ZFPM2: variants seen among roughly 807,000 people sequenced by gnomAD.
ZFPM2 encodes zinc finger protein ZFPM2.
A neutral mutation model predicts 98.6 loss-of-function variants in ZFPM2; 20 were observed. The observed-to-expected ratio is 0.20, with a 90% confidence interval of 0.14 to 0.29. ZFPM2 has a LOEUF of 0.29. Ranked by LOEUF, ZFPM2 falls within the 10% of genes least tolerant of loss-of-function variation. The probability of loss-of-function intolerance (pLI) is 1.00; values close to 1 mark genes in which losing one functional copy is unlikely to be tolerated. For synonymous variants in ZFPM2, 518 were observed against 502.7 expected (o/e 1.03, Z -0.41); for missense variants, 1,310 against 1,388.6 (o/e 0.94, Z 0.90).
intron 5 of ZFPM2, among the ~76,000 whole-genome samples, chr8:105,739,859 A>G (rs1445003071): frequency 2.0e-5 from 3 of 152,060 alleles, no homozygotes; most frequent in Non-Finnish European, 4.4e-5. Flanking sequence ...AGCAATGCCC[A>G]TACAAATAAT....
intron 1 of ZFPM2, among the ~76,000 whole-genome samples, chr8:105,382,470 T>C (rs1810907520): frequency 6.6e-6 from 1 of 152,228 alleles, no homozygotes; most frequent in South Asian, 2.1e-4. Context: ...TATTATTTTC[T>C]TATTCCATGT....
intron 2 of ZFPM2, among the ~76,000 whole-genome samples, chr8:105,428,452 C>A (rs2130128088): frequency 6.6e-6 from 1 of 152,268 alleles, no homozygotes; most frequent in African/African-American, 2.4e-5. Flanking sequence ...TCTCATTATA[C>A]TAACTGAAAT....
chr8:105,668,887 T>C (rs1404160707), intron 5 of ZFPM2, among the ~76,000 whole-genome samples: 5 of 152,072 alleles, frequency 3.3e-5, no homozygotes, highest in African/African-American at 1.2e-4. Context: ...CCTAGCAGAG[T>C]TTAGAAGGTT....
intron 3 of ZFPM2, among the ~76,000 whole-genome samples, chr8:105,497,110 C>T (rs1469415435): frequency 6.6e-6 from 1 of 151,906 alleles, no homozygotes; most frequent in African/African-American, 2.4e-5. Context: ...CTCAGCCTCC[C>T]TAGTAGCTGG....
chr8:105,696,507 T>A lies in ZFPM2; in HGVS notation c.532+62150T>A, dbSNP rs531708858. Among the ~76,000 whole-genome samples the A allele has an allele frequency of 8.9e-4, 136 of 152,314 alleles. 1 individual carries two copies. Among genetic ancestry groups the A allele is most frequent in the African/African-American group, 3.1e-3 (127 of 41,570 alleles). On this transcript the variant is annotated intron_variant, in intron 5 of 7. Transcript: ENST00000407775. ...CTGAGCACTCATGTATAGGCTCACTTCCTTCCACTTTATTTGCTACCAAAG... is the reference window on the plus strand; with the variant it reads ...CTGAGCACTCATGTATAGGCTCACTACCTTCCACTTTATTTGCTACCAAAG...
chr8:105,622,493 T>G lies in ZFPM2; in HGVS notation c.421-11753T>G, dbSNP rs115713798. Among the ~76,000 whole-genome samples the G allele has an allele frequency of 5.9e-3, 897 of 152,252 alleles. 6 individuals carry two copies. Among genetic ancestry groups the G allele is most frequent in the African/African-American group, 0.018 (728 of 41,562 alleles). On this transcript the variant is annotated intron_variant, in intron 4 of 7. Transcript: ENST00000407775. ...GAGATCTTGCCTTTCATAAAGAGCA[T>G]CCCATAGAAAACTAGCAACAACAAG... is the stretch of plus-strand genomic sequence containing the variant.
chr8:105,384,620 G>T (rs1208980970), intron 1 of ZFPM2, among the ~76,000 whole-genome samples: 1 of 151,972 alleles, frequency 6.6e-6, no homozygotes, highest in Non-Finnish European at 1.5e-5. Flanking sequence ...CCTAGGGTGT[G>T]CAATAGTTAG....
At chr8:105,616,448 A>G (rs955141119) in intron 4 of ZFPM2, among the ~76,000 whole-genome samples, 2 of 152,114 alleles carry the variant, frequency 1.3e-5, no homozygotes, top group African/African-American at 4.8e-5. Context: ...TTTTTTACAC[A>G]TTTATATTTA....
intron 4 of ZFPM2, among the ~76,000 whole-genome samples, chr8:105,610,841 T>C (rs1224725757): frequency 2.0e-5 from 3 of 152,154 alleles, no homozygotes; most frequent in Admixed American, 6.6e-5. Flanking sequence ...GAGAAAAGCA[T>C]TCAGTCTGTT....
chr8:105,788,630 TG>T (rs1813493224), intron 5 of ZFPM2, 87 bp from the exon 6 acceptor site: 1 of 1,292,486 alleles, frequency 7.7e-7, no homozygotes, highest in African/African-American at 1.5e-5. Context: ...GTGAAAAACA[TG>T]AGAAGGTGCT....
intron 1 of ZFPM2, among the ~76,000 whole-genome samples, chr8:105,391,569 T>C (rs1268938299): frequency 6.6e-6 from 1 of 151,756 alleles, no homozygotes; most frequent in African/African-American, 2.4e-5. Context: ...ACCCTACTTA[T>C]GCGTCGTCAA....
intron 5 of ZFPM2, among the ~76,000 whole-genome samples, chr8:105,742,755 G>C (rs532168934): frequency 6.6e-6 from 1 of 152,184 alleles, no homozygotes; most frequent in South Asian, 2.1e-4. Flanking sequence ...AGCCAAGTGT[G>C]GTGGCAGGTT....
At chr8:105,594,093 T>C (rs1362825198) in intron 4 of ZFPM2, among the ~76,000 whole-genome samples, 1 of 152,144 alleles carries the variant, frequency 6.6e-6, no homozygotes, top group Admixed American at 6.5e-5. Flanking sequence ...TTGATTACCT[T>C]GTTCGTTGAC....
intron 1 of ZFPM2, among the ~76,000 whole-genome samples, chr8:105,377,328 A>G (rs1022950969): frequency 1.3e-5 from 2 of 151,976 alleles, no homozygotes; most frequent in African/African-American, 4.8e-5. Flanking sequence ...CTATTTATTC[A>G]CTGGTTGTTT....
At chr8:105,629,091 C>T (rs1019767243) in intron 4 of ZFPM2, among the ~76,000 whole-genome samples, 6 of 152,186 alleles carry the variant, frequency 3.9e-5, no homozygotes, top group African/African-American at 1.2e-4. Flanking sequence ...GCTTCCTGCA[C>T]CTGCTCACCT....
At chr8:105,416,341 A>C (rs941089451) in intron 1 of ZFPM2, among the ~76,000 whole-genome samples, 1 of 151,688 alleles carries the variant, frequency 6.6e-6, no homozygotes, top group African/African-American at 2.4e-5. Flanking sequence ...TATTTAAAAC[A>C]ATTATTCATT....
chr8:105,561,688 A>G (rs1815140518), intron 4 of ZFPM2, among the ~76,000 whole-genome samples: 1 of 152,134 alleles, frequency 6.6e-6, no homozygotes, highest in Admixed American at 6.5e-5. Context: ...GAAACAGGTT[A>G]CTCATACTAA....
At chr8:105,438,297 CTACACTGGT>C (rs997986253) in intron 2 of ZFPM2, among the ~76,000 whole-genome samples, 2 of 152,134 alleles carry the variant, frequency 1.3e-5, no homozygotes, top group African/African-American at 4.8e-5. Context: ...TGTCTGTATC[CTACACTGGT>C]CTATATGTGA....
At chr8:105,562,066 G>A (rs1815149898) in intron 4 of ZFPM2, among the ~76,000 whole-genome samples, 1 of 152,102 alleles carries the variant, frequency 6.6e-6, no homozygotes, top group Admixed American at 6.6e-5. Flanking sequence ...AGCACTTTGG[G>A]AGGCTGAGGC....
Sources: allele counts gnomAD v4.1 joint callset (sites outside exome capture counted in the v4.1 genomes callset), GRCh38; gene constraint gnomAD v4.1.1; transcripts MANE v1.5; gene names NCBI Gene and HGNC (gene_info 2026-07-23, HGNC 2026-07-21).